MCPH1: variants seen among roughly 807,000 people sequenced by gnomAD.
MCPH1 encodes microcephalin.
MCPH1 carries 104 observed loss-of-function variants against 84.5 expected under a neutral mutation model. The ratio of observed to expected loss-of-function variants is 1.23; its 90% CI spans 1.05 to 1.45. The LOEUF (loss-of-function observed/expected upper bound fraction) is 1.45. Ranked by LOEUF, MCPH1 falls within the 40% of genes most tolerant of loss-of-function variation. The pLI, the probability that MCPH1 is intolerant of heterozygous loss-of-function variation, is 0.00. For synonymous variants in MCPH1, 514 were observed against 366.8 expected, an observed-to-expected ratio of 1.40 and a Z score of -4.58; for missense variants, 1,498 against 1,005.7, an observed-to-expected ratio of 1.49 and a Z score of -6.62.
In MCPH1 at chr8:6,628,373, A is replaced by T. The variant is rs549343955; in HGVS notation, c.2452+6682A>T. On this transcript the variant is annotated intron_variant, in intron 13 of 13. Coordinates refer to ENST00000344683, the MANE Select transcript of MCPH1 (RefSeq NM_024596.5). ...GTAGTCCCAGCTACTCAGGAGGCTG[A>T]GGCAGGAGAATGCATGAACCCGGGA... Among the ~76,000 whole-genome samples the T allele has an allele frequency of 3.4e-5, 5 of 146,638 alleles. No individual in the cohort carries two copies. The South Asian group carries it at 1.2e-3, about 34-fold the overall frequency.
chr8:6,626,647 T>G (rs1771143454), intron 13 of MCPH1: 1 of 985,002 alleles, frequency 1.0e-6, no homozygotes, highest in African/African-American at 1.7e-5. Context: ...TGGTTGCATT[T>G]TCCCCCCAAC....
At chr8:6,475,923 A>G (rs548549509) in intron 9 of MCPH1, among the ~76,000 whole-genome samples, 37 of 152,224 alleles carry the variant, frequency 2.4e-4, no homozygotes, top group Admixed American at 2.6e-4. Flanking sequence ...GGAGGTGTAT[A>G]AGGCAGATCC....
At chr8:6,491,932 AAC>A (rs1464801352) in intron 11 of MCPH1, among the ~76,000 whole-genome samples, 3 of 152,164 alleles carry the variant, frequency 2.0e-5, no homozygotes, top group African/African-American at 7.2e-5. Context: ...TGCCACAGTA[AAC>A]ACACGTGTGC....
chr8:6,500,064 C>A, intron 12 of MCPH1, 135 bp downstream of exon 12: 2 of 743,496 alleles, frequency 2.7e-6, no homozygotes, highest in South Asian at 3.0e-5. Flanking sequence ...ATTCACAGAA[C>A]TTAACACCTT....
intron 11 of MCPH1, among the ~76,000 whole-genome samples, chr8:6,498,867 G>A (rs979292149): frequency 5.3e-5 from 8 of 151,856 alleles, no homozygotes; most frequent in Admixed American, 1.3e-4. Flanking sequence ...TGGCCAACAC[G>A]GTGAAACCCG....
chr8:6,409,431 T>A, intron 2 of MCPH1, 61 bp downstream of exon 2: 4 of 1,365,868 alleles, frequency 2.9e-6, no homozygotes, highest in Non-Finnish European at 4.2e-6. Context: ...AAAAGTTACA[T>A]TTGCATTTTC....
intron 12 of MCPH1, among the ~76,000 whole-genome samples, chr8:6,506,697 C>T (rs1433973833): frequency 6.6e-6 from 1 of 150,770 alleles, no homozygotes; most frequent in East Asian, 2.0e-4. Context: ...GGGCTTTGCT[C>T]ATTGGTGTAA....
At chr8:6,549,952 C>G (rs542696891) in intron 12 of MCPH1, among the ~76,000 whole-genome samples, 10 of 152,356 alleles carry the variant, frequency 6.6e-5, no homozygotes, top group Admixed American at 5.9e-4. Context: ...CTAGCTATAG[C>G]CATGCCAGCA....
At chr8:6,516,285 T>G (rs1303178345) in intron 12 of MCPH1, among the ~76,000 whole-genome samples, 1 of 152,242 alleles carries the variant, frequency 6.6e-6, no homozygotes, top group East Asian at 1.9e-4. Flanking sequence ...CCAGATACTT[T>G]GTGTATATTA....
chr8:6,593,084 T>TG (rs1333124005), intron 12 of MCPH1, among the ~76,000 whole-genome samples: 3 of 147,850 alleles, frequency 2.0e-5, no homozygotes, highest in Non-Finnish European at 4.5e-5. Flanking sequence ...GGGTGTGGTT[T>TG]TTTTTTTTTT....
At chr8:6,544,605 G>T (rs1822206997) in intron 12 of MCPH1, among the ~76,000 whole-genome samples, 1 of 152,156 alleles carries the variant, frequency 6.6e-6, no homozygotes, top group African/African-American at 2.4e-5. Flanking sequence ...AGAGGGTTGA[G>T]TAAGAACCGA....
intron 12 of MCPH1, among the ~76,000 whole-genome samples, chr8:6,526,444 A>G (rs1293877091): frequency 2.0e-5 from 3 of 151,994 alleles, no homozygotes; most frequent in Non-Finnish European, 4.4e-5. Context: ...CAAAAAAAAA[A>G]CACAGAAAAG....
At position 6,445,098 on chromosome 8, in the gene MCPH1, C is replaced by G; in HGVS notation, c.1376C>G (p.Ser459Cys). The G allele has an allele frequency of 6.2e-7, 1 of 1,614,262 alleles. No individual in the cohort carries two copies. The highest frequency in any genetic ancestry group is 8.5e-7 in the Non-Finnish European group (1 of 1,180,048). The change falls in exon 8 of 14, where the codon TCT becomes TGT. Residue 459 changes from serine to cysteine, a missense_variant. Transcript: ENST00000344683. ...KKERTSIFEM[S>C]DFSCVGKKTR... ...GAGAGAACAAGCATATTTGAAATGT[C>G]TGATTTTTCCTGCGTTGGCAAAAAA...
intron 8 of MCPH1, among the ~76,000 whole-genome samples, chr8:6,450,142 G>T (rs796378919): frequency 3.9e-5 from 6 of 152,250 alleles, no homozygotes; most frequent in African/African-American, 1.4e-4. Context: ...AACTACCAGG[G>T]TCTTGTTCAT....
At chr8:6,574,447 G>A (rs1489938340) in intron 12 of MCPH1, among the ~76,000 whole-genome samples, 2 of 152,170 alleles carry the variant, frequency 1.3e-5, no homozygotes, top group African/African-American at 2.4e-5. Flanking sequence ...CTGCAGTGAC[G>A]CTACTTCCAA....
rs11786280 is a variant in MCPH1, at chr8:6,505,868, A to G, written c.2214+5939A>G. Reference sequence around the variant, plus strand: ...TTTATATATGTATATATAAAAACATACATATTCTTTATATATGTATATATA... The same window carrying G: ...TTTATATATGTATATATAAAAACATGCATATTCTTTATATATGTATATATA... On this transcript the variant is annotated intron_variant, in intron 12 of 13. Transcript: ENST00000344683. Among the ~76,000 whole-genome samples the G allele has an allele frequency of 3.1e-4, 41 of 133,828 alleles. 5 individuals carry two copies. The highest frequency in any genetic ancestry group is 4.2e-4 in the African/African-American group (15 of 35,414). The allele number at this position is 133,828 out of a possible 152,430, so 87.8% of individuals were successfully genotyped here. A position where few individuals can be genotyped will look rare whatever the true frequency, so the allele number is the denominator to read the frequency against.
At chr8:6,610,439 A>G (rs1182291461) in intron 12 of MCPH1, among the ~76,000 whole-genome samples, 1 of 152,192 alleles carries the variant, frequency 6.6e-6, no homozygotes, top group African/African-American at 2.4e-5. Flanking sequence ...CAACCATCCC[A>G]AAGTCTGGCG....
At chr8:6,492,286 T>G (rs1327052163) in intron 11 of MCPH1, among the ~76,000 whole-genome samples, 1 of 152,238 alleles carries the variant, frequency 6.6e-6, no homozygotes, top group African/African-American at 2.4e-5. Context: ...TTTTGAGAAG[T>G]GTCTGTTCAT....
chr8:6,521,769 T>C (rs1341467237), intron 12 of MCPH1, among the ~76,000 whole-genome samples: 1 of 152,214 alleles, frequency 6.6e-6, no homozygotes, highest in Non-Finnish European at 1.5e-5. Context: ...ATGAAGTGCT[T>C]TTTTGAGAAG....
Sources: gnomAD v4.1 joint callset for allele counts (sites outside exome capture counted in the v4.1 genomes callset) on GRCh38, gnomAD v4.1.1 for gene constraint, MANE v1.5 for transcripts, NCBI Gene and HGNC (gene_info 2026-07-23, HGNC 2026-07-21) for gene names.